CFAP99: variants seen among roughly 807,000 people sequenced by gnomAD.
CFAP99 encodes cilia and flagella associated protein 99, also known as cilia- and flagella-associated protein 99.
CFAP99 carries 84 observed loss-of-function variants against 82.7 expected under a neutral mutation model. That is an observed-to-expected ratio of 1.02 (90% CI 0.85 to 1.22). The LOEUF (loss-of-function observed/expected upper bound fraction) is 1.22. CFAP99 is among the 50% of genes most tolerant of loss of function. The pLI is 0.00. For missense variants in CFAP99, 1,059 were observed against 983.5 expected (o/e 1.08, Z -1.03); for synonymous variants, 456 against 429.5 (o/e 1.06, Z -0.76).
chr4:2,427,404 G>A (rs989949482), intron 2 of CFAP99: 2 of 152,718 alleles, frequency 1.3e-5, no homozygotes, highest in African/African-American at 4.8e-5. Context: ...GTCTCCATTG[G>A]ATGGGGCCTC....
At chr4:2,459,183 T>A in exon 13 of CFAP99, 2 of 1,535,618 alleles carry the variant, frequency 1.3e-6, no homozygotes, top group Non-Finnish European at 1.7e-6. Context: ...AGCGGCGCCG[T>A]TGTGAACTCA....
In CFAP99 at chr4:2,460,010, C is replaced by T. The variant is rs1734577287; in HGVS notation, c.1456-27C>T. On this transcript the variant is annotated intron_variant, in intron 13 of 14. Coordinates refer to ENST00000635017, the Ensembl canonical transcript of CFAP99. ...CATCGGGGCCCAGCACAGCTCCCAG[C>T]TTGGGGCCTCCCCTACCACCCCACA... 6 of 1,533,116 alleles carry T rather than the reference C, an allele frequency of 3.9e-6. No homozygotes were observed. In the Admixed American group the frequency reaches 9.8e-5, roughly 25 times the overall value. The allele number at this position is 1,533,116 out of a possible 1,614,324, so 95.0% of individuals were successfully genotyped here.
chr4:2,437,200 G>C, intron 3 of CFAP99, among the ~76,000 whole-genome samples, 182 bp downstream of exon 3: 1 of 152,222 alleles, frequency 6.6e-6, no homozygotes, highest in South Asian at 2.1e-4. Context: ...GGACCTTGCA[G>C]ATGGGAAACT....
Position 2,451,345 on chromosome 4 carries a change from C to A in CFAP99, c.949C>A (p.Leu317Met), listed in dbSNP as rs1367625697. 2.6e-6 allele frequency: 4 copies of A among 1,535,584 alleles called. No individual in the cohort carries two copies. In the East Asian group the frequency reaches 9.8e-5, roughly 38 times the overall value. Residue 317 changes from leucine (L) to methionine (M), a missense_variant, in exon 10 of 15, where the codon CTG becomes ATG. By Grantham distance (15) the Leu-to-Met change is conservative. Transcript: ENST00000635017. ...GTACCAGCGGCAGGTGGAGCAGGAG[C>A]TGCAGAGGTGAAGGGCGGCAGGCCC...
At chr4:2,455,436 G>A (rs1181802228) in intron 11 of CFAP99, among the ~76,000 whole-genome samples, 1 of 152,188 alleles carries the variant, frequency 6.6e-6, no homozygotes, top group East Asian at 1.9e-4. Flanking sequence ...ACTTTGGGAG[G>A]CCAAAGCAGG....
chr4:2,442,651 C>A (rs1734070892), intron 4 of CFAP99, among the ~76,000 whole-genome samples: 1 of 152,170 alleles, frequency 6.6e-6, no homozygotes, highest in Non-Finnish European at 1.5e-5. Flanking sequence ...ACCCTCGGCT[C>A]CCCATCCAAC....
At chr4:2,445,501 G>A (rs1240031877) in intron 6 of CFAP99, among the ~76,000 whole-genome samples, 193 bp downstream of exon 6, 1 of 152,080 alleles carries the variant, frequency 6.6e-6, no homozygotes, top group Non-Finnish European at 1.5e-5. Flanking sequence ...CTGACCCGGA[G>A]CCCACCCAGT....
chr4:2,440,165 G>C (rs973959114), intron 4 of CFAP99, among the ~76,000 whole-genome samples: 1 of 48,452 alleles, frequency 2.1e-5, no homozygotes, highest in African/African-American at 1.8e-4. Flanking sequence ...TTTTTTTTTT[G>C]AGACGGAGTC....
At chr4:2,449,605 C>T in intron 6 of CFAP99, 65 bp from the exon 7 acceptor site, 1 of 1,428,840 alleles carries the variant, frequency 7.0e-7, no homozygotes, top group Non-Finnish European at 9.5e-7. Flanking sequence ...TCAGCCCTGG[C>T]ATTTCTAGGC....
rs1385005960 is a variant in CFAP99 at position 2,452,842 on chromosome 4, C to A, written c.1161+496C>A. On this transcript the variant is annotated intron_variant, in intron 11 of 14. Transcript: ENST00000635017. ...CTTTAGGAGGCCAAGGCCAGAAGAT[C>A]ACTTGAGCCTAGGAGTTCAAGATCA... Among the ~76,000 whole-genome samples the A allele has an allele frequency of 2.6e-4, 39 of 152,218 alleles. 1 individual carries two copies.
intron 13 of CFAP99, among the ~76,000 whole-genome samples, 188 bp downstream of exon 13, chr4:2,459,446 A>G (rs992180607): frequency 2.0e-5 from 3 of 152,206 alleles, no homozygotes; most frequent in South Asian, 4.1e-4. Flanking sequence ...AGAGTTCACA[A>G]GCCTGCGGGC....
chr4:2,439,889 G>T (rs1308699), intron 4 of CFAP99, among the ~76,000 whole-genome samples: 40,857 of 151,538 alleles, frequency 0.27, 7,184 homozygotes, highest in African/African-American at 0.5. Flanking sequence ...TGTCGCCCAG[G>T]CTGGAGTGCA....
chr4:2,434,366 G>A (rs1324572854), intron 2 of CFAP99, among the ~76,000 whole-genome samples: 1 of 152,192 alleles, frequency 6.6e-6, no homozygotes, highest in African/African-American at 2.4e-5. Flanking sequence ...ACTGCACCCT[G>A]AGCCCCTCCA....
intron 4 of CFAP99, among the ~76,000 whole-genome samples, chr4:2,442,141 G>A (rs1201470117): frequency 6.6e-6 from 1 of 152,204 alleles, no homozygotes; most frequent in Non-Finnish European, 1.5e-5. Flanking sequence ...GACGCTGAGT[G>A]TGGGGATGGG....
intron 2 of CFAP99, among the ~76,000 whole-genome samples, chr4:2,431,659 T>C (rs567448810): frequency 2.6e-5 from 4 of 152,282 alleles, no homozygotes; most frequent in African/African-American, 9.6e-5. Flanking sequence ...AGGGAGCACT[T>C]GTTCCCGTAC....
chr4:2,460,370 G>GT, intron 14 of CFAP99, 128 bp downstream of exon 14: 1 of 795,642 alleles, frequency 1.3e-6, no homozygotes, highest in Non-Finnish European at 2.0e-6. Flanking sequence ...TTCCCTTGCC[G>GT]TAACTCCCCT....
chr4:2,447,520 A>AATGGATAG (rs920854161), intron 6 of CFAP99, among the ~76,000 whole-genome samples: 1 of 147,214 alleles, frequency 6.8e-6, no homozygotes, highest in African/African-American at 2.5e-5. Flanking sequence ...TGGATGGATT[A>AATGGATAG]ATGGATAGAT....
At chr4:2,424,154 C>T (rs1733637201) in intron 1 of CFAP99, among the ~76,000 whole-genome samples, 1 of 152,250 alleles carries the variant, frequency 6.6e-6, no homozygotes, top group South Asian at 2.1e-4. Context: ...CGTGGTGGCT[C>T]ACGCCTGTAA....
At chr4:2,459,862 T>C (rs560900850) in intron 13 of CFAP99, among the ~76,000 whole-genome samples, 175 bp from the exon 14 acceptor site, 1 of 152,188 alleles carries the variant, frequency 6.6e-6, no homozygotes, top group African/African-American at 2.4e-5. Flanking sequence ...ACACAAGGTG[T>C]AGTGTTGCAG....
Sources: gnomAD v4.1 joint callset for allele counts (sites outside exome capture counted in the v4.1 genomes callset) on GRCh38, gnomAD v4.1.1 for gene constraint, MANE v1.5 for transcripts, NCBI Gene and HGNC (gene_info 2026-07-23, HGNC 2026-07-21) for gene names.